PSKH2: variants seen among roughly 807,000 people sequenced by gnomAD.
PSKH2 encodes the protein protein serine kinase H2, also known as serine/threonine-protein kinase H2.
A neutral mutation model predicts 22.5 loss-of-function variants in PSKH2; 16 were observed. The ratio of observed to expected loss-of-function variants is 0.71; its 90% CI spans 0.48 to 1.08. The LOEUF (loss-of-function observed/expected upper bound fraction) is 1.08. Ranked by LOEUF, PSKH2 falls within the 50% of genes least tolerant of loss-of-function variation. PSKH2 has a pLI of 0.00. For synonymous variants in PSKH2, 188 were observed against 184.8 expected (o/e 1.02, Z -0.14); for missense variants, 516 against 492.8 (o/e 1.05, Z -0.44).
chr8:86,064,985 G>T (rs7819780), intron 1 of PSKH2, among the ~76,000 whole-genome samples: 9,333 of 152,132 alleles, frequency 0.061, 976 homozygotes, highest in African/African-American at 0.21. Flanking sequence ...GACTTAAAAA[G>T]AAGTTAAATG....
intron 1 of PSKH2, among the ~76,000 whole-genome samples, chr8:86,065,709 C>G (rs993512035): frequency 6.6e-6 from 1 of 152,118 alleles, no homozygotes; most frequent in Non-Finnish European, 1.5e-5. Flanking sequence ...ACGGTGGGCT[C>G]ATCGTGTAAT....
intron 2 of PSKH2, among the ~76,000 whole-genome samples, chr8:86,049,733 A>AC (rs1554583202): frequency 0.027 from 1,333 of 49,974 alleles, 13 homozygotes; most frequent in South Asian, 0.061. Context: ...AAAGAAAGAA[A>AC]GAAAGAAAGA....
chr8:86,049,675 GAAGAAAGAAAGAAAGAAAGA>G (rs1156489675), intron 2 of PSKH2, among the ~76,000 whole-genome samples: 5,084 of 105,936 alleles, frequency 0.048, 317 homozygotes, highest in Non-Finnish European at 0.059. Context: ...GAGTGAGAAA[GAAGAAAGAAAGAAAGAAAGA>G]AAGAAAGAAA....
At chr8:86,054,941 C>T (rs1035904278) in intron 2 of PSKH2, among the ~76,000 whole-genome samples, 2 of 152,026 alleles carry the variant, frequency 1.3e-5, no homozygotes, top group Non-Finnish European at 2.9e-5. Flanking sequence ...AAGGAGTGTT[C>T]CATTTTCTCC....
In PSKH2 at chr8:86,069,667, G is replaced by A. The variant is rs1817919363; in HGVS notation, c.-45C>T. The A allele has an allele frequency of 6.8e-7, 1 of 1,475,024 alleles. No individual in the cohort carries two copies. Among genetic ancestry groups the A allele is most frequent in the Non-Finnish European group, 9.0e-7 (1 of 1,117,286 alleles). The allele number at this position is 1,475,024 out of a possible 1,614,324, so 91.4% of individuals were successfully genotyped here. A position where few individuals can be genotyped will look rare whatever the true frequency, so the allele number is the denominator to read the frequency against. On this transcript the variant is annotated 5_prime_UTR_variant, in exon 1 of 3. Transcript: ENST00000276616. The stretch of plus-strand genomic sequence containing the variant: ...CTCGCGGGACCTGGGGACTCGGGAA[G>A]CAGCCAGCCCCGTTCCTCCGCCCTT...
At chr8:86,069,041 T>G (rs1341835351) in intron 1 of PSKH2, among the ~76,000 whole-genome samples, 5 of 152,038 alleles carry the variant, frequency 3.3e-5, no homozygotes, top group Non-Finnish European at 7.4e-5. Flanking sequence ...ATGGACGCCT[T>G]CGAAACAAAA....
intron 2 of PSKH2, 148 bp from the exon 3 acceptor site, chr8:86,048,915 C>T: frequency 1.6e-6 from 1 of 617,270 alleles, no homozygotes; most frequent in South Asian, 3.1e-5. Context: ...TGTGTCATTA[C>T]ATATATAGAG....
rs928366643 is a variant in PSKH2 at position 86,064,506 on chromosome 8, G to A, written c.311C>T (p.Ala104Val). 30 of 1,613,816 alleles carry A rather than the reference G, an allele frequency of 1.9e-5. No individual in the cohort carries two copies. Among genetic ancestry groups the A allele is most frequent in the Non-Finnish European group, 2.3e-5 (27 of 1,180,006 alleles). Residue 104 changes from alanine (A) to valine (V), a missense_variant, in exon 2 of 3, where the codon GCG becomes GTG. Transcript: ENST00000276616. The part of the protein sequence containing the change: ...METREREGRE[A>V]CVSELSVLRR... ...CAGGACGCTCAGCTCAGACACGCACGCTTCTCTACCTTCCCTCTCTCTGGT... is the reference window on the plus strand; with the variant it reads ...CAGGACGCTCAGCTCAGACACGCACACTTCTCTACCTTCCCTCTCTCTGGT...
chr8:86,067,414 A>G (rs1817880789), intron 1 of PSKH2, among the ~76,000 whole-genome samples: 1 of 87,734 alleles, frequency 1.1e-5, no homozygotes, highest in African/African-American at 2.9e-5. Context: ...CACTGAATAC[A>G]TATTATTCCT....
chr8:86,069,005 G>C (rs938003309), intron 1 of PSKH2, among the ~76,000 whole-genome samples: 1 of 152,140 alleles, frequency 6.6e-6, no homozygotes, highest in Non-Finnish European at 1.5e-5. Flanking sequence ...AATAGGAGTC[G>C]AGGCTTCTGC....
intron 2 of PSKH2, among the ~76,000 whole-genome samples, chr8:86,060,167 C>T (rs1817756220): frequency 2.0e-5 from 3 of 152,166 alleles, no homozygotes; most frequent in Non-Finnish European, 4.4e-5. Flanking sequence ...TTTCTCCCCT[C>T]CCCCTCCCAG....
At chr8:86,053,041 G>A (rs28626470) in intron 2 of PSKH2, among the ~76,000 whole-genome samples, 7,763 of 152,248 alleles carry the variant, frequency 0.051, 635 homozygotes, top group African/African-American at 0.18. Flanking sequence ...TATCTTACAT[G>A]CTGTAGATGT....
chr8:86,065,350 G>C (rs1420736951), intron 1 of PSKH2, among the ~76,000 whole-genome samples: 7 of 152,192 alleles, frequency 4.6e-5, no homozygotes, highest in Non-Finnish European at 1.0e-4. Flanking sequence ...GCTATTATAA[G>C]AGCCGGTTTC....
intron 2 of PSKH2, among the ~76,000 whole-genome samples, chr8:86,058,898 C>G (rs967511084): frequency 6.6e-6 from 1 of 151,856 alleles, no homozygotes; most frequent in Non-Finnish European, 1.5e-5. Flanking sequence ...AAGAGGTATA[C>G]CACATAAATC....
intron 2 of PSKH2, among the ~76,000 whole-genome samples, chr8:86,056,407 A>C (rs781309530): frequency 8.5e-5 from 13 of 152,326 alleles, no homozygotes; most frequent in South Asian, 2.1e-4. Flanking sequence ...AAAAAAGATG[A>C]CTGTGATACA....
At chr8:86,051,637 C>T (rs1278735114) in intron 2 of PSKH2, among the ~76,000 whole-genome samples, 1 of 152,122 alleles carries the variant, frequency 6.6e-6, no homozygotes, top group African/African-American at 2.4e-5. Context: ...TCTATTTGGC[C>T]CTGAATCCAG....
intron 1 of PSKH2, among the ~76,000 whole-genome samples, chr8:86,065,701 G>A (rs540859040): frequency 2.6e-5 from 4 of 152,230 alleles, no homozygotes; most frequent in Non-Finnish European, 4.4e-5. Context: ...GGCCAGGCAC[G>A]GTGGGCTCAT....
At chr8:86,050,951 G>A (rs1817621970) in intron 2 of PSKH2, among the ~76,000 whole-genome samples, 1 of 151,754 alleles carries the variant, frequency 6.6e-6, no homozygotes, top group South Asian at 2.1e-4. Flanking sequence ...TTATATTGCC[G>A]AGGCTGGACT....
rs1431233675 is a variant in PSKH2, at chr8:86,049,763, GAAAGAGAAAAGAAAGAA to G, written c.853-1013_853-997del. Among the ~76,000 whole-genome samples the G allele has an allele frequency of 2.2e-4, 29 of 129,938 alleles. 2 individuals are homozygous for G. Among genetic ancestry groups the G allele is most frequent in the Admixed American group, 2.0e-3 (25 of 12,576 alleles). 85.2% of individuals were successfully genotyped at this position (129,938 alleles called of 152,430 possible). The stretch of plus-strand genomic sequence containing the variant: ...GAAAGAAAGAAACGAAAGAAAGAAA[GAAAGAGAAAAGAAAGAA>G]AAAGAAAGGAAGAAAGGAAGAGAGA... On this transcript the variant is annotated intron_variant, in intron 2 of 2. Coordinates refer to ENST00000276616, the MANE Select transcript of PSKH2 (RefSeq NM_033126.3).
Sources: allele counts gnomAD v4.1 joint callset (sites outside exome capture counted in the v4.1 genomes callset), GRCh38; gene constraint gnomAD v4.1.1; transcripts MANE v1.5; gene names NCBI Gene and HGNC (gene_info 2026-07-23, HGNC 2026-07-21).